CNTN6: variants seen among roughly 807,000 people sequenced by gnomAD.
CNTN6 encodes the protein contactin 6.
In CNTN6, 137 loss-of-function variants were observed where a neutral mutation model predicts 122.8. The observed-to-expected ratio is 1.12, with a 90% CI of 0.97 to 1.29. The LOEUF (loss-of-function observed/expected upper bound fraction) is 1.29, where lower values mean the gene tolerates loss of function less well. Ranked by LOEUF, CNTN6 falls within the 50% of genes most tolerant of loss-of-function variation. The pLI, the probability that CNTN6 is intolerant of heterozygous loss-of-function variation, is 0.00. For missense variants in CNTN6, 1,634 were observed against 1,223.4 expected, an observed-to-expected ratio of 1.34 and a Z score of -5.01; for synonymous variants, 570 against 426.0, an observed-to-expected ratio of 1.34 and a Z score of -4.16.
intron 4 of CNTN6, among the ~76,000 whole-genome samples, chr3:1,272,397 T>A (rs2125761064): frequency 1.3e-5 from 2 of 152,284 alleles, no homozygotes; most frequent in South Asian, 2.1e-4. Context: ...GGATTACAGG[T>A]GGTTCTGAGG....
At chr3:1,270,542 GC>G (rs1277490023) in intron 4 of CNTN6, among the ~76,000 whole-genome samples, 1 of 152,126 alleles carries the variant, frequency 6.6e-6, no homozygotes, top group Non-Finnish European at 1.5e-5. Flanking sequence ...TTTGCCGTAG[GC>G]CAAAACAAAA....
intron 3 of CNTN6, among the ~76,000 whole-genome samples, chr3:1,224,970 A>G (rs895764672): frequency 1.3e-5 from 2 of 151,350 alleles, no homozygotes; most frequent in Admixed American, 6.6e-5. Context: ...CTGGTCTTGA[A>G]CTCCCGACCT....
chr3:1,245,220 ATATATATATATATATACACAC>A lies in CNTN6; in HGVS notation c.358+17228_358+17248del, dbSNP rs1559595178. Among the ~76,000 whole-genome samples the A allele has an allele frequency of 1.1e-3, 25 of 23,178 alleles. 3 individuals carry two copies. The highest frequency in any genetic ancestry group is 7.2e-3 in the African/African-American group (23 of 3,216). The allele number at this position is 23,178 out of a possible 152,430, so 15.2% of individuals were successfully genotyped here. On this transcript the variant is annotated intron_variant, in intron 4 of 22. Coordinates refer to ENST00000446702, the MANE Select transcript of CNTN6 (RefSeq NM_001289080.2). ...GTGATATATATATATATATATATATATATATATATATATATACACACACACATATATATATAACATATATAT... is the reference window on the plus strand; with the variant it reads ...GTGATATATATATATATATATATATAACACATATATATATAACATATATAT...
chr3:1,209,280 A>G (rs1352431108), intron 2 of CNTN6, among the ~76,000 whole-genome samples: 1 of 152,200 alleles, frequency 6.6e-6, no homozygotes, highest in Non-Finnish European at 1.5e-5. Flanking sequence ...TGCTAGAGTA[A>G]CATAAAGATA....
intron 1 of CNTN6, among the ~76,000 whole-genome samples, chr3:1,112,330 G>A (rs1471532301): frequency 6.6e-6 from 1 of 152,118 alleles, no homozygotes; most frequent in Non-Finnish European, 1.5e-5. Flanking sequence ...TATGCAGACT[G>A]AAAAGTCCCA....
intron 4 of CNTN6, among the ~76,000 whole-genome samples, chr3:1,276,940 T>A (rs1692479522): frequency 6.6e-6 from 1 of 152,144 alleles, no homozygotes; most frequent in Non-Finnish European, 1.5e-5. Flanking sequence ...CCCATATCAT[T>A]GGCAATTTGG....
intron 1 of CNTN6, among the ~76,000 whole-genome samples, chr3:1,135,317 G>A (rs1326823655): frequency 6.6e-6 from 1 of 152,132 alleles, no homozygotes; most frequent in South Asian, 2.1e-4. Flanking sequence ...TCCTATTTCT[G>A]TGAGGTCAAG....
At chr3:1,399,114 A>G (rs1421308469) in intron 20 of CNTN6, among the ~76,000 whole-genome samples, 2 of 152,174 alleles carry the variant, frequency 1.3e-5, no homozygotes, top group Admixed American at 1.3e-4. Context: ...TAAAACATTC[A>G]GAATCCACAC....
chr3:1,192,091 G>A (rs1030730831), intron 2 of CNTN6, among the ~76,000 whole-genome samples: 2 of 151,960 alleles, frequency 1.3e-5, no homozygotes, highest in African/African-American at 4.8e-5. Context: ...ATCCTTTTAG[G>A]TCAGTCCTTC....
intron 4 of CNTN6, 25 bp downstream of exon 4, chr3:1,228,018 T>G (rs1559553053): frequency 6.2e-7 from 1 of 1,600,162 alleles, no homozygotes; most frequent in East Asian, 2.2e-5. Context: ...AATTTTGTAA[T>G]CTTTGTCTCT....
At chr3:1,124,536 T>C (rs2092086142) in intron 1 of CNTN6, among the ~76,000 whole-genome samples, 1 of 151,718 alleles carries the variant, frequency 6.6e-6, no homozygotes, top group Admixed American at 6.6e-5. Context: ...GGACTCAGGG[T>C]TGGGGGAGAT....
intron 20 of CNTN6, among the ~76,000 whole-genome samples, chr3:1,387,567 G>A (rs1038111458): frequency 6.6e-6 from 1 of 152,304 alleles, no homozygotes. Context: ...TGTAGGGGGA[G>A]GAGCCAAGAT....
intron 12 of CNTN6, among the ~76,000 whole-genome samples, chr3:1,359,246 T>C (rs1334915102): frequency 6.6e-6 from 1 of 152,150 alleles, no homozygotes; most frequent in Non-Finnish European, 1.5e-5. Context: ...TCATATCTAA[T>C]TTATTACACA....
chr3:1,099,325 C>G (rs569594495), intron 1 of CNTN6, among the ~76,000 whole-genome samples: 5 of 151,942 alleles, frequency 3.3e-5, no homozygotes, highest in Admixed American at 2.0e-4. Context: ...GTGGCGGGCG[C>G]CTGTAGTCCC....
At chr3:1,100,803 T>C (rs551389714) in intron 1 of CNTN6, among the ~76,000 whole-genome samples, 1 of 152,284 alleles carries the variant, frequency 6.6e-6, no homozygotes, top group South Asian at 2.1e-4. Context: ...TTGTTCTTAA[T>C]AGTTTCTCTC....
intron 20 of CNTN6, among the ~76,000 whole-genome samples, chr3:1,393,837 C>T (rs987705579): frequency 6.6e-6 from 1 of 152,034 alleles, no homozygotes; most frequent in African/African-American, 2.4e-5. Context: ...ATATATAATA[C>T]CTATACATGT....
chr3:1,213,518 T>C (rs923702932), intron 2 of CNTN6, among the ~76,000 whole-genome samples: 1 of 151,924 alleles, frequency 6.6e-6, no homozygotes, highest in African/African-American at 2.4e-5. Flanking sequence ...TTTTAATCAT[T>C]CAAACTATGA....
At chr3:1,312,762 T>C (rs1445610391) in intron 7 of CNTN6, among the ~76,000 whole-genome samples, 1 of 151,880 alleles carries the variant, frequency 6.6e-6, no homozygotes, top group Non-Finnish European at 1.5e-5. Context: ...GAGCAAAGCA[T>C]GGTGATTTAG....
At chr3:1,255,427 AAG>A (rs773932163) in intron 4 of CNTN6, among the ~76,000 whole-genome samples, 4,398 of 149,706 alleles carry the variant, frequency 0.029, 119 homozygotes, top group Admixed American at 0.051. Context: ...GAAAAAAAAA[AAG>A]AAAGAAAGAA....
Sources: allele counts gnomAD v4.1 joint callset (sites outside exome capture counted in the v4.1 genomes callset), GRCh38; gene constraint gnomAD v4.1.1; transcripts MANE v1.5; gene names NCBI Gene and HGNC (gene_info 2026-07-23, HGNC 2026-07-21).